The following PAX5 variants were observed in gnomAD, a reference collection of about 807,000 sequenced individuals.
PAX5 encodes the protein paired box protein Pax-5.
Under a neutral mutation model 43.7 loss-of-function variants are expected in PAX5, and 9 were observed. The observed-to-expected ratio is 0.21, with a 90% CI of 0.12 to 0.36. The LOEUF (loss-of-function observed/expected upper bound fraction) is 0.36. Ranked by LOEUF, PAX5 falls within the 10% of genes least tolerant of loss-of-function variation. The pLI, the probability that PAX5 is intolerant of heterozygous loss-of-function variation, is 1.00. For synonymous variants in PAX5, 228 were observed against 214.3 expected, an observed-to-expected ratio of 1.06 and a Z score of -0.56; for missense variants, 383 against 532.7, an observed-to-expected ratio of 0.72 and a Z score of 2.77.
At chr9:37,024,372 G>A (rs1249879781) in intron 1 of PAX5, among the ~76,000 whole-genome samples, 1 of 152,032 alleles carries the variant, frequency 6.6e-6, no homozygotes, top group Non-Finnish European at 1.5e-5. Context: ...GGGAAGCAGT[G>A]GTAGGGGGAC....
chr9:37,016,238 C>T (rs1839373420), intron 2 of PAX5, among the ~76,000 whole-genome samples: 1 of 152,216 alleles, frequency 6.6e-6, no homozygotes, highest in Non-Finnish European at 1.5e-5. Context: ...AGCCCTAGCA[C>T]AATCTCCAGC....
chr9:36,944,090 A>G (rs1178173208), intron 6 of PAX5, among the ~76,000 whole-genome samples: 1 of 152,186 alleles, frequency 6.6e-6, no homozygotes, highest in Non-Finnish European at 1.5e-5. Flanking sequence ...AGGCTGACGC[A>G]GGAAGATTGC....
intron 2 of PAX5, among the ~76,000 whole-genome samples, chr9:37,017,035 A>G (rs2132482209): frequency 6.6e-6 from 1 of 152,366 alleles, no homozygotes; most frequent in Non-Finnish European, 1.5e-5. Context: ...TAATTGCCAA[A>G]AAATTATTAC....
chr9:36,833,476 C>T lies in PAX5; in HGVS notation c.*7084G>A, dbSNP rs1329109591. On this transcript the variant is annotated 3_prime_UTR_variant, in exon 10 of 10. Transcript: ENST00000358127. ...CTAAAATAAAGGTGTTGCAGTCAAC[C>T]ATTTAACTTAAAAGGAAGCCACAAA... The T allele has an allele frequency of 4.3e-6, 1 of 232,658 alleles. No individual in the cohort carries two copies. Among genetic ancestry groups the T allele is most frequent in the African/African-American group, 2.2e-5 (1 of 45,186 alleles). 14.4% of individuals were successfully genotyped at this position (232,658 alleles called of 1,614,324 possible).
At chr9:36,845,114 C>T (rs1008616441) in intron 9 of PAX5, among the ~76,000 whole-genome samples, 2 of 152,224 alleles carry the variant, frequency 1.3e-5, no homozygotes, top group African/African-American at 2.4e-5. Flanking sequence ...AGCCCTGGGC[C>T]ACTATGGCCT....
At chr9:36,966,525 G>A in intron 6 of PAX5, 24 bp downstream of exon 6, 2 of 1,603,206 alleles carry the variant, frequency 1.2e-6, no homozygotes, top group South Asian at 2.2e-5. Context: ...GGCAGGTGTG[G>A]TGGGCGTGCA....
chr9:36,863,976 G>A (rs1286132043), intron 8 of PAX5, among the ~76,000 whole-genome samples: 2 of 152,186 alleles, frequency 1.3e-5, no homozygotes, highest in Admixed American at 6.5e-5. Context: ...GGGCATGGTG[G>A]CATGTGCCTG....
chr9:36,996,793 T>A (rs995139898), intron 5 of PAX5, among the ~76,000 whole-genome samples: 1 of 151,762 alleles, frequency 6.6e-6, no homozygotes, highest in African/African-American at 2.4e-5. Context: ...GCGTCCAGCC[T>A]GAAAGAGACA....
At position 36,840,649 on chromosome 9, in the gene PAX5, G is replaced by T. The variant is rs1587719268; in HGVS notation, c.1100-13C>A. 2 of 1,536,260 alleles carry T rather than the reference G, an allele frequency of 1.3e-6. No homozygotes were observed. The highest frequency in any genetic ancestry group is 1.8e-6 in the Non-Finnish European group (2 of 1,131,916). ...TAGTAGGGGGAGCCTGGAAGAGACG[G>T]GAGAGAGCACCGAGGTCAGATCCGG... On this transcript the variant is annotated splice_polypyrimidine_tract_variant and intron_variant, in intron 9 of 9. Transcript: ENST00000358127.
chr9:36,869,165 T>G (rs1435696436), intron 8 of PAX5, among the ~76,000 whole-genome samples: 1 of 152,144 alleles, frequency 6.6e-6, no homozygotes, highest in Non-Finnish European at 1.5e-5. Flanking sequence ...CTGACAGCTG[T>G]CAGGGTCTTG....
At chr9:36,998,241 A>G (rs1837556289) in intron 5 of PAX5, among the ~76,000 whole-genome samples, 1 of 152,216 alleles carries the variant, frequency 6.6e-6, no homozygotes, top group South Asian at 2.1e-4. Flanking sequence ...CATAGTGGCC[A>G]TATACCCGAG....
intron 1 of PAX5, chr9:37,026,709 C>T (rs1210789715): frequency 2.3e-5 from 29 of 1,288,684 alleles, no homozygotes; most frequent in Non-Finnish European, 2.9e-5. Flanking sequence ...GCTGGAGCTT[C>T]GGGGTCTCTC....
At chr9:36,979,784 T>C (rs76101716) in intron 5 of PAX5, among the ~76,000 whole-genome samples, 2,552 of 152,286 alleles carry the variant, frequency 0.017, 68 homozygotes, top group African/African-American at 0.059. Context: ...CAAATCACTT[T>C]GTCCCCAGCT....
At chr9:36,937,379 A>T (rs1366910759) in intron 6 of PAX5, among the ~76,000 whole-genome samples, 2 of 151,800 alleles carry the variant, frequency 1.3e-5, no homozygotes, top group Non-Finnish European at 2.9e-5. Flanking sequence ...ACCACTCTAC[A>T]CCCCCTCTGC....
At position 36,966,698 on chromosome 9, in the gene PAX5, C is replaced by T. The variant is rs769624843; in HGVS notation, c.631G>A (p.Gly211Ser). ...AAGTCTCTGCCCGGAAGCGAGTGGC[C>T]GTTCGGCACCGGAGACTCCTGAATA... ...EGIQESPVPN[G>S]HSLPGRDFLR... Residue 211 changes from glycine to serine, a missense_variant, in exon 6 of 10, where the codon GGC becomes AGC. Physicochemically the swap from Gly to Ser is moderately conservative, Grantham distance 56. Around this residue, in one of 5 missense-constraint regions of PAX5, gnomAD observed 291 missense variants for 342.5 expected, o/e 0.85. Transcript: ENST00000358127. 38 of 1,614,040 alleles carry T rather than the reference C, an allele frequency of 2.4e-5. No homozygotes were observed. The highest frequency in any genetic ancestry group is 9.3e-5 in the African/African-American group (7 of 74,928).
chr9:36,863,965 T>C (rs539478595), intron 8 of PAX5, among the ~76,000 whole-genome samples: 306 of 152,200 alleles, frequency 2.0e-3, no homozygotes, highest in South Asian at 3.5e-3. Context: ...AAAAATTAGC[T>C]GGGCATGGTG....
intron 7 of PAX5, among the ~76,000 whole-genome samples, chr9:36,894,993 A>C (rs1390218186): frequency 6.6e-6 from 1 of 152,234 alleles, no homozygotes; most frequent in Non-Finnish European, 1.5e-5. Flanking sequence ...GGGGAACCCC[A>C]ACAGTCCTTC....
At chr9:36,947,697 C>T (rs7870260) in intron 6 of PAX5, among the ~76,000 whole-genome samples, 42,543 of 151,768 alleles carry the variant, frequency 0.28, 6,748 homozygotes, top group African/African-American at 0.44. Context: ...TATTTGTACG[C>T]ATATGTGTGT....
chr9:36,926,945 C>T (rs1403846801), intron 6 of PAX5, among the ~76,000 whole-genome samples: 1 of 152,272 alleles, frequency 6.6e-6, no homozygotes, highest in South Asian at 2.1e-4. Context: ...GGAAGGGTTT[C>T]TTGGTGCAGG....
Sources: allele counts gnomAD v4.1 joint callset (sites outside exome capture counted in the v4.1 genomes callset), GRCh38; gene constraint gnomAD v4.1.1; regional missense constraint gnomAD v4.1.1; transcripts MANE v1.5; gene names NCBI Gene and HGNC (gene_info 2026-07-23, HGNC 2026-07-21).